LCK: variants seen among roughly 807,000 people sequenced by gnomAD.
LCK encodes LCK proto-oncogene, Src family tyrosine kinase.
LCK carries 14 observed loss-of-function variants against 64.6 expected under a neutral mutation model. The observed-to-expected ratio is 0.22, with a 90% CI of 0.14 to 0.34. The LOEUF is 0.34. Ranked by LOEUF, LCK falls within the 10% of genes least tolerant of loss-of-function variation. The pLI is 1.00. For synonymous variants in LCK, 277 were observed against 263.6 expected, an observed-to-expected ratio of 1.05 and a Z score of -0.49; for missense variants, 434 against 668.1, an observed-to-expected ratio of 0.65 and a Z score of 3.86.
rs1460905377 is a variant in LCK at position 32,275,702 on chromosome 1, G to A, written c.481+30G>A. 25 of 1,534,090 alleles carry A rather than the reference G, an allele frequency of 1.6e-5. No homozygotes were observed. The highest frequency in any genetic ancestry group is 4.4e-4 in the Middle Eastern group (2 of 4,514). ...GCGGGCGGCGGTCTCGACCGGGCGC[G>A]GGGGTGCCCCGGGGTGTGCCCGAGG... On this transcript the variant is annotated intron_variant, in intron 6 of 12. Coordinates refer to ENST00000336890, the MANE Select transcript of LCK (RefSeq NM_005356.5). The surrounding 1 kb of genome is among the most constrained non-coding windows in gnomAD (Gnocchi z 6.9).
In LCK at chr1:32,274,360, G is replaced by A; in HGVS notation, c.31G>A (p.Asp11Asn). Reference sequence around the variant, plus strand: ...CTGTGGCTGCAGCTCACACCCGGAAGATGACTGGATGGAAAACATCGATGT... The same window carrying A: ...CTGTGGCTGCAGCTCACACCCGGAAAATGACTGGATGGAAAACATCGATGT... Reference protein sequence around the residue: MGCGCSSHPEDDWMENIDVCE... With the variant: MGCGCSSHPENDWMENIDVCE... The change falls in exon 2 of 13, where the codon GAT (aspartate) becomes AAT (asparagine). Residue 11 changes from aspartate to asparagine, a missense_variant. This residue lies in a region of LCK where 233 missense variants were observed against 291.2 expected (regional missense o/e 0.80). Transcript: ENST00000336890. 6.2e-7 allele frequency: 1 copy of A among 1,614,170 alleles called. No homozygotes were observed. Among genetic ancestry groups the A allele is most frequent in the Non-Finnish European group, 8.5e-7 (1 of 1,180,002 alleles).
In LCK at chr1:32,276,461, G is replaced by A. The variant is rs771764061; in HGVS notation, c.756G>A (p.Gly252=). The stretch of plus-strand genomic sequence containing the variant: ...CGCTGAAGCTGGTGGAGCGGCTGGG[G>A]GCTGGACAGTTCGGGGAGGTGTGGA... ...RETLKLVERL[G]AGQFGEVWMG... Residue 252 remains glycine (G), a synonymous_variant, in exon 8 of 13, where the codon GGG becomes GGA. Coordinates refer to ENST00000336890, the MANE Select transcript of LCK (RefSeq NM_005356.5). This position sits in a 1 kb window ranked among gnomAD's most constrained non-coding sequence, Gnocchi z 4.6. The A allele has an allele frequency of 5.0e-6, 8 of 1,612,518 alleles. No homozygotes were observed. In the South Asian group the frequency reaches 5.5e-5, roughly 11 times the overall value.
Position 32,276,738 on chromosome 1 carries a change from G to A in LCK, c.916G>A (p.Val306Met), listed in dbSNP as rs2124359459. ...CCAGCGGCTGGTTCGGCTCTACGCT[G>A]TGGTCACCCAGGAGCCCATCTACAT... ...QHQRLVRLYA[V>M]VTQEPIYIIT... The change falls in exon 9 of 13, where the codon GTG (valine) becomes ATG (methionine). Residue 306 changes from valine (V) to methionine (M), a missense_variant. By Grantham distance (21) the Val-to-Met change is conservative. Coordinates refer to ENST00000336890, the MANE Select transcript of LCK (RefSeq NM_005356.5). This position sits in a 1 kb window ranked among gnomAD's most constrained non-coding sequence, Gnocchi z 4.6. The A allele has an allele frequency of 1.9e-6, 3 of 1,613,818 alleles. No individual in the cohort carries two copies. Among genetic ancestry groups the A allele is most frequent in the South Asian group, 1.1e-5 (1 of 91,018 alleles).
At chr1:32,263,320 G>T (rs1043007883) in intron 1 of LCK, among the ~76,000 whole-genome samples, 13 of 152,018 alleles carry the variant, frequency 8.6e-5, no homozygotes, top group African/African-American at 2.9e-4. Context: ...TTGAACCCAG[G>T]ATGTGGAGGT....
chr1:32,255,800 A>AT (rs58539932), intron 1 of LCK, among the ~76,000 whole-genome samples: 2,227 of 133,402 alleles, frequency 0.017, 21 homozygotes, highest in African/African-American at 0.023. Flanking sequence ...CATTAAATTT[A>AT]TTTTTTTTTT....
intron 9 of LCK, among the ~76,000 whole-genome samples, chr1:32,279,348 T>G (rs1313557436): frequency 6.6e-6 from 1 of 152,086 alleles, no homozygotes; most frequent in Non-Finnish European, 1.5e-5. Flanking sequence ...CTGTTTGAAG[T>G]CAAAGGCAGA....
Position 32,275,530 on chromosome 1 carries a change from C to T in LCK, c.378-39C>T. ...TTGAGGGCCACGGAGGAAGATCCGACGACAGCCGACGGCCTTCGTTCGCTT... is the reference window on the plus strand; with the variant it reads ...TTGAGGGCCACGGAGGAAGATCCGATGACAGCCGACGGCCTTCGTTCGCTT... On this transcript the variant is annotated intron_variant, in intron 5 of 12. Coordinates refer to ENST00000336890, the MANE Select transcript of LCK (RefSeq NM_005356.5). This position sits in a 1 kb window ranked among gnomAD's most constrained non-coding sequence, Gnocchi z 6.9. 2 of 1,550,648 alleles carry T rather than the reference C, an allele frequency of 1.3e-6. No individual in the cohort carries two copies. The highest frequency in any genetic ancestry group is 1.8e-6 in the Non-Finnish European group (2 of 1,141,268).
At chr1:32,263,135 T>C (rs1490572124) in intron 1 of LCK, among the ~76,000 whole-genome samples, 4 of 152,138 alleles carry the variant, frequency 2.6e-5, no homozygotes, top group African/African-American at 9.7e-5. Flanking sequence ...CTCATGCCTG[T>C]CATCCCAGCA....
At chr1:32,263,633 G>A (rs1048414909) in intron 1 of LCK, among the ~76,000 whole-genome samples, 1 of 151,580 alleles carries the variant, frequency 6.6e-6, no homozygotes, top group African/African-American at 2.4e-5. Flanking sequence ...CAGCACTTTG[G>A]GAGGCCAAGG....
chr1:32,269,029 G>C (rs955874267), intron 1 of LCK, among the ~76,000 whole-genome samples: 1 of 151,402 alleles, frequency 6.6e-6, no homozygotes, highest in African/African-American at 2.4e-5. Context: ...ACCTGCTTAG[G>C]GAGGCTGAGG....
rs377149314 is a variant in LCK, at chr1:32,275,024, G to A, written c.219G>A (p.Glu73=). The part of the protein sequence containing the change: ...DNLVIALHSY[E]PSHDGDLGFE... Reference sequence around the variant, plus strand: ...TGGTTATCGCTCTGCACAGCTATGAGCCCTCTCACGACGGAGATCTGGGCT... The same window carrying A: ...TGGTTATCGCTCTGCACAGCTATGAACCCTCTCACGACGGAGATCTGGGCT... Residue 73 remains glutamate, a synonymous_variant, in exon 4 of 13, where the codon GAG becomes GAA. Coordinates refer to ENST00000336890, the MANE Select transcript of LCK (RefSeq NM_005356.5). The surrounding 1 kb of genome is among the most constrained non-coding windows in gnomAD (Gnocchi z 6.9). The A allele has an allele frequency of 7.4e-6, 12 of 1,614,062 alleles. No homozygotes were observed. In the African/African-American group the frequency reaches 1.6e-4, roughly 22 times the overall value.
At chr1:32,261,874 A>G (rs971195425) in intron 1 of LCK, among the ~76,000 whole-genome samples, 5 of 147,778 alleles carry the variant, frequency 3.4e-5, no homozygotes, top group African/African-American at 1.3e-4. Flanking sequence ...AATCGCTTGA[A>G]CCTGGGAGGC....
intron 1 of LCK, among the ~76,000 whole-genome samples, chr1:32,272,850 T>C (rs1640136728): frequency 7.3e-6 from 1 of 137,202 alleles, no homozygotes. Context: ...AGGGGATGCC[T>C]GTGTGTGTGT....
In LCK at chr1:32,276,072, G is replaced by A. The variant is rs905661524; in HGVS notation, c.631+9G>A. On this transcript the variant is annotated intron_variant, in intron 7 of 12. Transcript: ENST00000336890. This position sits in a 1 kb window ranked among gnomAD's most constrained non-coding sequence, Gnocchi z 4.6. ...GGTCCGCCATTACACCAGTGAGCCCGACGGGACCCCTCCCCCGTGCCCTAT... is the reference window on the plus strand; with the variant it reads ...GGTCCGCCATTACACCAGTGAGCCCAACGGGACCCCTCCCCCGTGCCCTAT... 1 of 1,613,702 alleles carries A rather than the reference G, an allele frequency of 6.2e-7. No individual in the cohort carries two copies. The highest frequency in any genetic ancestry group is 8.5e-7 in the Non-Finnish European group (1 of 1,179,938).
intron 12 of LCK, 101 bp from the exon 13 acceptor site, chr1:32,285,413 G>T: frequency 9.6e-7 from 1 of 1,037,772 alleles, no homozygotes; most frequent in Non-Finnish European, 1.5e-6. Context: ...GATTCTTTTG[G>T]ATTGGTGCTC....
At position 32,275,414 on chromosome 1, in the gene LCK, C is replaced by T. The variant is rs748136140; in HGVS notation, c.372C>T (p.Pro124=). ...TGGCCAAAGCGAACAGCCTGGAGCC[C>T]GAACCGTAAGTGGGGACCCGTCGTG... is the stretch of plus-strand genomic sequence containing the variant. ...NFVAKANSLE[P]EPWFFKNLSR... is the part of the protein sequence containing the mutation. Residue 124 remains proline, a synonymous_variant, in exon 5 of 13, where the codon CCC becomes CCT. Coordinates refer to ENST00000336890, the MANE Select transcript of LCK (RefSeq NM_005356.5). The surrounding 1 kb of genome is among the most constrained non-coding windows in gnomAD (Gnocchi z 6.9). The T allele has an allele frequency of 1.9e-6, 3 of 1,613,864 alleles. No individual in the cohort carries two copies. Among genetic ancestry groups the T allele is most frequent in the Non-Finnish European group, 2.5e-6 (3 of 1,179,962 alleles).
At chr1:32,256,295 G>A (rs1296856301) in intron 1 of LCK, among the ~76,000 whole-genome samples, 2 of 151,628 alleles carry the variant, frequency 1.3e-5, no homozygotes, top group Non-Finnish European at 2.9e-5. Flanking sequence ...ATGCCACCAA[G>A]CCCGGCTAAC....
chr1:32,262,335 T>A, intron 1 of LCK, among the ~76,000 whole-genome samples: 1 of 148,552 alleles, frequency 6.7e-6, no homozygotes, highest in Non-Finnish European at 1.5e-5. Context: ...ACCCCATCTC[T>A]GCTAAAAATA....
intron 1 of LCK, among the ~76,000 whole-genome samples, chr1:32,257,281 C>T (rs1639655159): frequency 6.7e-6 from 1 of 148,168 alleles, no homozygotes; most frequent in Non-Finnish European, 1.5e-5. Context: ...CAAGGTCTTG[C>T]TCTGTCGCCT....
Sources: allele counts gnomAD v4.1 joint callset (sites outside exome capture counted in the v4.1 genomes callset), GRCh38; gene constraint gnomAD v4.1.1; regional missense constraint gnomAD v4.1.1; non-coding constraint Gnocchi (gnomAD v3.1); transcripts MANE v1.5; gene names NCBI Gene and HGNC (gene_info 2026-07-23, HGNC 2026-07-21).